Variants in IGFN1 observed in about 807,000 individuals in gnomAD.
IGFN1 encodes the protein immunoglobulin-like and fibronectin type III domain-containing protein 1.
In IGFN1, 253 loss-of-function variants were observed where a neutral mutation model predicts 289.5. The ratio of observed to expected loss-of-function variants is 0.87; its 90% CI spans 0.79 to 0.97. IGFN1 has a LOEUF of 0.97. Ranked by LOEUF, IGFN1 falls within the 50% of genes least tolerant of loss-of-function variation. The pLI, the probability that IGFN1 is intolerant of heterozygous loss-of-function variation, is 0.00. For synonymous variants in IGFN1, 1,706 were observed against 1,788.5 expected (o/e 0.95, Z 1.16); for missense variants, 4,470 against 4,686.1 (o/e 0.95, Z 1.35).
intron 19 of IGFN1, 85 bp from the exon 20 acceptor site, chr1:201,222,654 C>T: frequency 2.2e-6 from 2 of 893,040 alleles, no homozygotes; most frequent in Non-Finnish European, 3.6e-6. Flanking sequence ...CAGTCTTCCC[C>T]TCCAGCCCTA....
intron 1 of IGFN1, among the ~76,000 whole-genome samples, chr1:201,192,239 C>T (rs1666692234): frequency 6.6e-6 from 1 of 152,168 alleles, no homozygotes; most frequent in Non-Finnish European, 1.5e-5. Context: ...GGAATGATCT[C>T]CATGGGAGAG....
chr1:201,207,895 T>C lies in IGFN1; in HGVS notation c.3002T>C (p.Val1001Ala), dbSNP rs933763145. Residue 1001 changes from valine (V) to alanine (A), a missense_variant, in exon 12 of 24, where the codon GTG becomes GCG. Coordinates refer to ENST00000335211, the MANE Select transcript of IGFN1 (RefSeq NM_001164586.2). The stretch of plus-strand genomic sequence containing the variant: ...GTTTCCCCTAGGGCACCTGCGGGAG[T>C]GGAGTCTGAGGAAGGGGGTGGGTAC... ...CRVSPRAPAG[V>A]ESEEGGGYRH... 12 of 1,533,100 alleles carry C rather than the reference T, an allele frequency of 7.8e-6. No individual in the cohort carries two copies. In the African/African-American group the frequency reaches 1.7e-4, roughly 21 times the overall value. The allele number at this position is 1,533,100 out of a possible 1,614,324, so 95.0% of individuals were successfully genotyped here. A position where few individuals can be genotyped will look rare whatever the true frequency, so the allele number is the denominator to read the frequency against.
At chr1:201,216,778 G>T (rs1375191181) in intron 16 of IGFN1, 25 bp downstream of exon 16, 1 of 1,563,910 alleles carries the variant, frequency 6.4e-7, no homozygotes, top group Non-Finnish European at 8.7e-7. Context: ...TGGGGCTGGG[G>T]GTGGGGGACA....
chr1:201,196,123 A>G, intron 4 of IGFN1, 145 bp downstream of exon 4: 1 of 807,632 alleles, frequency 1.2e-6, no homozygotes, highest in Middle Eastern at 3.8e-4. Flanking sequence ...CTCGTGACTC[A>G]AAGTTGCCTG....
chr1:201,191,069 A>C (rs1666638821), intron 1 of IGFN1, among the ~76,000 whole-genome samples, 162 bp downstream of exon 1: 1 of 152,152 alleles, frequency 6.6e-6, no homozygotes, highest in Non-Finnish European at 1.5e-5. Flanking sequence ...GCTGGGGTGC[A>C]CCTGTATCCC....
In IGFN1 at chr1:201,211,720, G is replaced by GA. The variant is rs1237143999; in HGVS notation, c.6832dup (p.Ile2278AsnfsTer6). On this transcript the variant is annotated frameshift_variant, in exon 12 of 24. Coordinates refer to ENST00000335211, the MANE Select transcript of IGFN1 (RefSeq NM_001164586.2). LOFTEE classifies it high-confidence loss of function. ...TACAGGAATGGTTTAGGCAGTTCTG[G>GA]AAAAATCAGTTCAGGGGATGAGGCA... 2.6e-6 allele frequency: 4 copies of GA among 1,536,906 alleles called. No individual in the cohort carries two copies. Among genetic ancestry groups the GA allele is most frequent in the South Asian group, 1.2e-5 (1 of 84,056 alleles).
intron 9 of IGFN1, among the ~76,000 whole-genome samples, chr1:201,202,443 T>G (rs1250652061): frequency 6.6e-6 from 1 of 152,140 alleles, no homozygotes; most frequent in Non-Finnish European, 1.5e-5. Context: ...TCTCTGCTTA[T>G]TCCTGCTTCT....
At chr1:201,219,919 T>G (rs1653601963) in intron 18 of IGFN1, among the ~76,000 whole-genome samples, 2 of 152,186 alleles carry the variant, frequency 1.3e-5, no homozygotes, top group South Asian at 4.2e-4. Context: ...TCTCTGTTCT[T>G]TTCTTTTCTT....
chr1:201,195,225 C>T (rs1364123809), intron 3 of IGFN1, among the ~76,000 whole-genome samples: 5 of 151,940 alleles, frequency 3.3e-5, no homozygotes, highest in Admixed American at 3.3e-4. Context: ...AATCTCTGAT[C>T]ACTACAACAT....
chr1:201,221,440 G>A lies in IGFN1; in HGVS notation c.9899-4G>A, dbSNP rs771595881. On this transcript the variant is annotated splice_polypyrimidine_tract_variant and splice_region_variant and intron_variant, in intron 18 of 23. Transcript: ENST00000335211. ...ATTCCTGACTCTCCCATGGTGCCTG[G>A]CAGGACCCCCTGGGCTGGTGAGGAA... is the stretch of plus-strand genomic sequence containing the variant. 4 of 1,561,326 alleles carry A rather than the reference G, an allele frequency of 2.6e-6. No individual in the cohort carries two copies. The highest frequency in any genetic ancestry group is 1.7e-4 in the Middle Eastern group (1 of 5,840).
rs1306455956 is a variant in IGFN1 at position 201,212,687 on chromosome 1, T to A, written c.7794T>A (p.Asp2598Glu). ...GGAGTTCAGTGGGGACAGGTCAGGATCTGGACAGCGGCTCTATGCCTGGGG... is the reference window on the plus strand; with the variant it reads ...GGAGTTCAGTGGGGACAGGTCAGGAACTGGACAGCGGCTCTATGCCTGGGG... The part of the protein sequence containing the change: ...GSGSSVGTGQ[D>E]LDSGSMPGGR... Residue 2598 changes from aspartate (D) to glutamate (E), a missense_variant, in exon 12 of 24, where the codon GAT (aspartate) becomes GAA (glutamate). Asp to Glu is a conservative substitution (Grantham distance 45). This residue lies in a region of IGFN1 where 2,218 missense variants were observed against 2,114.1 expected (regional missense o/e 1.05). Coordinates refer to ENST00000335211, the MANE Select transcript of IGFN1 (RefSeq NM_001164586.2). 1 of 1,547,548 alleles carries A rather than the reference T, an allele frequency of 6.5e-7. No homozygotes were observed. The highest frequency in any genetic ancestry group is 1.4e-5 in the African/African-American group (1 of 72,978).
chr1:201,227,823 C>T (rs1394862856), intron 23 of IGFN1, among the ~76,000 whole-genome samples: 2 of 152,142 alleles, frequency 1.3e-5, no homozygotes, highest in East Asian at 3.9e-4. Context: ...CCAGTGGGGC[C>T]ACGCTACACA....
chr1:201,191,431 G>A (rs1008051268), intron 1 of IGFN1, among the ~76,000 whole-genome samples: 1 of 152,156 alleles, frequency 6.6e-6, no homozygotes, highest in Non-Finnish European at 1.5e-5. Flanking sequence ...TGGAGAGGGG[G>A]CAGGGAGGGA....
intron 15 of IGFN1, 192 bp downstream of exon 15, chr1:201,216,030 C>G (rs1653235805): frequency 1.1e-5 from 8 of 734,744 alleles, no homozygotes; most frequent in Non-Finnish European, 2.0e-5. Context: ...GAACACAGTG[C>G]TGGGCTCCTG....
At position 201,217,374 on chromosome 1, in the gene IGFN1, G is replaced by A. The variant is rs895219567; in HGVS notation, c.9683G>A (p.Gly3228Asp). ...ACATGGACAGCACCTCGGGGCCCCG[G>A]CAGCGCCCACATCCTGGGCTACCTG... ...TLTWTAPRGP[G>D]SAHILGYLIE... is the part of the protein sequence containing the mutation. Residue 3228 changes from glycine to aspartate, a missense_variant, in exon 17 of 24, where the codon GGC (glycine) becomes GAC (aspartate). Coordinates refer to ENST00000335211, the MANE Select transcript of IGFN1 (RefSeq NM_001164586.2). 3 of 1,614,170 alleles carry A rather than the reference G, an allele frequency of 1.9e-6. No homozygotes were observed. The Admixed American group carries it at 5.0e-5, about 27-fold the overall frequency.
chr1:201,200,335 A>G lies in IGFN1; in HGVS notation c.557A>G (p.Tyr186Cys). The change falls in exon 8 of 24, where the codon TAT becomes TGT. Residue 186 changes from tyrosine (Y) to cysteine (C), a missense_variant. Tyr to Cys is a radical substitution (Grantham distance 194). Around this residue, in one of 8 missense-constraint regions of IGFN1, gnomAD observed 2,011 missense variants for 1,953.4 expected, o/e 1.03. Coordinates refer to ENST00000335211, the MANE Select transcript of IGFN1 (RefSeq NM_001164586.2). ...GACTACGAGAAGATCTGCTTGAAGT[A>G]TGGCATCGTCGACTACCGTGGCATG... ...RKDYEKICLKYGIVDYRGMLR... is the reference protein window; with the variant it reads ...RKDYEKICLKCGIVDYRGMLR... The G allele has an allele frequency of 6.4e-7, 1 of 1,551,746 alleles. No individual in the cohort carries two copies. Among genetic ancestry groups the G allele is most frequent in the Non-Finnish European group, 8.7e-7 (1 of 1,146,998 alleles).
In IGFN1 at chr1:201,201,706, G is replaced by C. The variant is rs1327280081; in HGVS notation, c.634-13G>C. 7 of 1,414,934 alleles carry C rather than the reference G, an allele frequency of 4.9e-6. No homozygotes were observed. In the African/African-American group the frequency reaches 5.7e-5, roughly 12 times the overall value. 87.6% of individuals were successfully genotyped at this position (1,414,934 alleles called of 1,614,324 possible). ...TCATGAGCTCTCCTGCTGGGTGTTT[G>C]TCTGCTTTGTAGTACATCAACACCA... On this transcript the variant is annotated splice_polypyrimidine_tract_variant and intron_variant, in intron 8 of 23. Transcript: ENST00000335211.
Position 201,209,108 on chromosome 1 carries a change from G to A in IGFN1, c.4215G>A (p.Leu1405=), listed in dbSNP as rs369966798. ...GGGGTCCTGGGGAGATGGGGTCACTGGATGAGTCAGGTCATAGGAATGGGA... is the reference window on the plus strand; with the variant it reads ...GGGGTCCTGGGGAGATGGGGTCACTAGATGAGTCAGGTCATAGGAATGGGA... ...GLRGPGEMGS[L]DESGHRNGIG... The change falls in exon 12 of 24, where the codon CTG becomes CTA. Residue 1405 remains leucine, a synonymous_variant. Coordinates refer to ENST00000335211, the MANE Select transcript of IGFN1 (RefSeq NM_001164586.2). 148 of 1,533,776 alleles carry A rather than the reference G, an allele frequency of 9.6e-5. No homozygotes were observed. The African/African-American group carries it at 1.9e-3, about 19-fold the overall frequency.
chr1:201,192,815 T>C (rs1260223630), intron 1 of IGFN1, among the ~76,000 whole-genome samples: 5 of 152,214 alleles, frequency 3.3e-5, no homozygotes, highest in African/African-American at 4.8e-5. Context: ...GAAAGGAGCC[T>C]GAATCCTTTC....
Sources: allele counts gnomAD v4.1 joint callset (sites outside exome capture counted in the v4.1 genomes callset), GRCh38; gene constraint gnomAD v4.1.1; regional missense constraint gnomAD v4.1.1; transcripts MANE v1.5; gene names NCBI Gene and HGNC (gene_info 2026-07-23, HGNC 2026-07-21).